SETDB2: variants seen among roughly 807,000 people sequenced by gnomAD.
SETDB2 encodes SET domain bifurcated histone lysine methyltransferase 2.
In SETDB2, 56 loss-of-function variants were observed where a neutral mutation model predicts 82.5. The observed-to-expected ratio is 0.68, with a 90% CI of 0.55 to 0.85. SETDB2 has a LOEUF of 0.85. Ranked by LOEUF, SETDB2 falls within the 40% of genes least tolerant of loss-of-function variation. The pLI, the probability that SETDB2 is intolerant of heterozygous loss-of-function variation, is 0.00. For synonymous variants in SETDB2, 272 were observed against 284.9 expected, an observed-to-expected ratio of 0.95 and a Z score of 0.46; for missense variants, 677 against 816.4, an observed-to-expected ratio of 0.83 and a Z score of 2.08.
At chr13:49,479,877 G>A (rs966361714) in intron 6 of SETDB2, among the ~76,000 whole-genome samples, 3 of 152,194 alleles carry the variant, frequency 2.0e-5, no homozygotes, top group African/African-American at 7.2e-5. Context: ...ACATATTTAA[G>A]TTTATCCATT....
intron 2 of SETDB2, among the ~76,000 whole-genome samples, chr13:49,453,877 T>TAC (rs1957828735): frequency 6.6e-6 from 1 of 151,806 alleles, no homozygotes; most frequent in Admixed American, 6.6e-5. Context: ...GAAGTATATA[T>TAC]ATATATACTA....
At chr13:49,445,283 A>G (rs1448205813) in intron 1 of SETDB2, among the ~76,000 whole-genome samples, 1 of 152,152 alleles carries the variant, frequency 6.6e-6, no homozygotes, top group East Asian at 1.9e-4. Context: ...CTTAAGCGTG[A>G]CTTAACCCGT....
chr13:49,453,562 C>T (rs751927686), intron 2 of SETDB2, among the ~76,000 whole-genome samples: 72 of 152,084 alleles, frequency 4.7e-4, no homozygotes, highest in Middle Eastern at 3.4e-3. Flanking sequence ...CCTCCCAAAG[C>T]GCTGGGATTA....
chr13:49,446,131 G>C (rs1957680758), intron 1 of SETDB2, among the ~76,000 whole-genome samples: 3 of 152,026 alleles, frequency 2.0e-5, no homozygotes, highest in Admixed American at 2.0e-4. Context: ...CTGGAAGAGA[G>C]TTTGACAATA....
intron 5 of SETDB2, among the ~76,000 whole-genome samples, chr13:49,469,774 G>T (rs1008454660): frequency 3.9e-5 from 6 of 151,922 alleles, no homozygotes; most frequent in African/African-American, 1.4e-4. Context: ...AAATAAACTT[G>T]AGTTCTAGTA....
intron 5 of SETDB2, among the ~76,000 whole-genome samples, chr13:49,474,499 T>C (rs936720130): frequency 1.1e-4 from 16 of 152,218 alleles, no homozygotes; most frequent in Admixed American, 1.0e-3. Context: ...TGCAACAGTA[T>C]CTAACAGTAT....
chr13:49,470,749 T>C (rs1958212054), intron 5 of SETDB2, among the ~76,000 whole-genome samples: 1 of 152,120 alleles, frequency 6.6e-6, no homozygotes, highest in Non-Finnish European at 1.5e-5. Context: ...CTTGGGAGGC[T>C]GAGGTGTATC....
intron 1 of SETDB2, among the ~76,000 whole-genome samples, chr13:49,448,574 A>C (rs951762705): frequency 6.6e-6 from 1 of 152,108 alleles, no homozygotes; most frequent in African/African-American, 2.4e-5. Context: ...TTGATTTTTT[A>C]ATTTCCGCAG....
intron 2 of SETDB2, among the ~76,000 whole-genome samples, chr13:49,458,148 C>T (rs1957927281): frequency 1.3e-5 from 2 of 152,192 alleles, no homozygotes; most frequent in Admixed American, 1.3e-4. Flanking sequence ...AAGATGAATT[C>T]CTTTTGTTCA....
Position 49,465,881 on chromosome 13 carries a change from G to A in SETDB2, c.209-1983G>A, listed in dbSNP as rs550696119. Among the ~76,000 whole-genome samples, 35 of 152,186 alleles carry A rather than the reference G, an allele frequency of 2.3e-4. 2 individuals are homozygous for A. The South Asian group carries it at 6.9e-3, about 30-fold the overall frequency. ...AGTTTATTCAGGTGCAAAGTGTAAG[G>A]GTAGCCATCTGAGGACCAGTGCTAC... On this transcript the variant is annotated intron_variant, in intron 4 of 13. Coordinates refer to ENST00000611815, the MANE Select transcript of SETDB2 (RefSeq NM_001160308.3).
intron 1 of SETDB2, among the ~76,000 whole-genome samples, chr13:49,446,802 A>G (rs1235177903): frequency 6.6e-6 from 1 of 152,198 alleles, no homozygotes; most frequent in African/African-American, 2.4e-5. Flanking sequence ...TTAGGTTTCC[A>G]GTTTTTCACC....
chr13:49,480,565 G>A (rs1389327623), intron 7 of SETDB2, among the ~76,000 whole-genome samples: 1 of 152,132 alleles, frequency 6.6e-6, no homozygotes. Context: ...TTTGAGTCTG[G>A]CTCTTACCCC....
chr13:49,478,848 T>C (rs984357769), intron 6 of SETDB2, among the ~76,000 whole-genome samples: 2 of 151,932 alleles, frequency 1.3e-5, no homozygotes, highest in Admixed American at 6.6e-5. Context: ...ATCACCTGAG[T>C]GCAGGGAGGT....
intron 8 of SETDB2, chr13:49,481,976 C>T (rs958012642): frequency 2.6e-6 from 2 of 784,198 alleles, no homozygotes; most frequent in Middle Eastern, 6.6e-4. Context: ...CAAGAAGAAG[C>T]TTGCAGAGTT....
At chr13:49,486,303 C>CAA (rs113127035) in intron 11 of SETDB2, among the ~76,000 whole-genome samples, 65,620 of 147,418 alleles carry the variant, frequency 0.45, 15,195 homozygotes, top group Middle Eastern at 0.55. Flanking sequence ...GACCCTGTCT[C>CAA]AAAAAAAAAA....
intron 4 of SETDB2, among the ~76,000 whole-genome samples, chr13:49,465,764 TA>T (rs1566162302): frequency 1.3e-5 from 2 of 152,258 alleles, no homozygotes; most frequent in Middle Eastern, 3.4e-3. Flanking sequence ...CTCAAACTCC[TA>T]ACCTCAGGTG....
chr13:49,484,077 C>T (rs1958542395), intron 10 of SETDB2, among the ~76,000 whole-genome samples: 1 of 152,106 alleles, frequency 6.6e-6, no homozygotes, highest in South Asian at 2.1e-4. Context: ...GTATCATCCA[C>T]GGCAGTTGAC....
chr13:49,452,834 T>C (rs1035416499), intron 2 of SETDB2, among the ~76,000 whole-genome samples: 1 of 152,304 alleles, frequency 6.6e-6, no homozygotes, highest in African/African-American at 2.4e-5. Flanking sequence ...GGGAGTGTGA[T>C]CTCAGAGGTA....
In SETDB2 at chr13:49,444,704, CA is replaced by C. The variant is rs71307668; in HGVS notation, c.-494del. 66,221 of 152,718 alleles carry C rather than the reference CA, an allele frequency of 0.43. 16,156 individuals carry two copies. The highest frequency in any genetic ancestry group is 0.55 in the Non-Finnish European group (37,654 of 68,422). The allele number at this position is 152,718 out of a possible 1,614,324, so 9.5% of individuals were successfully genotyped here. ...GCGGGCGCACTGAGTTTCCAACCTC[CA>C]TTTCAGCCTGTCTGTCTCAGGGTGC... On this transcript the variant is annotated 5_prime_UTR_variant, in exon 1 of 14. Transcript: ENST00000611815.
Sources: gnomAD v4.1 joint callset for allele counts (sites outside exome capture counted in the v4.1 genomes callset) on GRCh38, gnomAD v4.1.1 for gene constraint, MANE v1.5 for transcripts, NCBI Gene and HGNC (gene_info 2026-07-23, HGNC 2026-07-21) for gene names.